The following FAS variants were observed in gnomAD, a reference collection of about 807,000 sequenced individuals.
FAS encodes tumor necrosis factor receptor superfamily member 6.
Under a neutral mutation model 33.2 loss-of-function variants are expected in FAS, and 5 were observed. That is an observed-to-expected ratio of 0.15 (90% CI 0.08 to 0.32). The LOEUF (loss-of-function observed/expected upper bound fraction) is 0.32, where lower values mean the gene tolerates loss of function less well. FAS is among the 10% of genes least tolerant of loss of function. The probability of loss-of-function intolerance (pLI) is 1.00; values close to 1 mark genes in which losing one functional copy is unlikely to be tolerated. For synonymous variants in FAS, 131 were observed against 130.7 expected (o/e 1.00, Z -0.01); for missense variants, 339 against 386.0 (o/e 0.88, Z 1.02).
At chr10:89,005,125 C>T (rs1232218659) in intron 2 of FAS, among the ~76,000 whole-genome samples, 2 of 141,410 alleles carry the variant, frequency 1.4e-5, no homozygotes, top group East Asian at 2.3e-4. Flanking sequence ...ATCTCTAAAG[C>T]CATTCATAGA....
intron 1 of FAS, chr10:88,991,713 T>C (rs1847234013): frequency 1.3e-5 from 2 of 152,312 alleles, no homozygotes; most frequent in South Asian, 4.1e-4. Context: ...TGCACTCCCA[T>C]GGTGATTTCT....
At chr10:89,003,222 A>G in intron 2 of FAS, 28 bp downstream of exon 2, 1 of 1,613,700 alleles carries the variant, frequency 6.2e-7, no homozygotes, top group Admixed American at 1.7e-5. Context: ...TCCAGAGATT[A>G]CAGTGAAAGT....
At chr10:89,003,856 G>A (rs1031364650) in intron 2 of FAS, among the ~76,000 whole-genome samples, 3 of 152,074 alleles carry the variant, frequency 2.0e-5, no homozygotes, top group Admixed American at 2.0e-4. Flanking sequence ...ATAGCACATG[G>A]GTTCATGTGA....
At chr10:88,987,149 C>G (rs759724689), upstream of FAS, among the ~76,000 whole-genome samples, 5 of 152,130 alleles carry the variant, frequency 3.3e-5, no homozygotes, top group Non-Finnish European at 7.3e-5. Context: ...CTGACGCCCT[C>G]TAGTGACAGA....
At chr10:89,010,179 C>T (rs1365168778) in intron 4 of FAS, among the ~76,000 whole-genome samples, 1 of 152,184 alleles carries the variant, frequency 6.6e-6, no homozygotes, top group Non-Finnish European at 1.5e-5. Flanking sequence ...TTTGAAATTA[C>T]TTTTGACAGT....
At chr10:88,986,367 A>C (rs1487103038), upstream of FAS, among the ~76,000 whole-genome samples, 1 of 152,238 alleles carries the variant, frequency 6.6e-6, no homozygotes, top group Non-Finnish European at 1.5e-5. Context: ...TGGATTAAGA[A>C]GCCAGGGCCC....
chr10:88,975,980 C>A (rs1243601459), intron 2 of FAS, among the ~76,000 whole-genome samples: 1 of 152,190 alleles, frequency 6.6e-6, no homozygotes, highest in Non-Finnish European at 1.5e-5. Context: ...AATCTGATGT[C>A]TCTTTCAAGT....
At chr10:89,011,639 C>T (rs768330382) in intron 6 of FAS, among the ~76,000 whole-genome samples, 1 of 152,168 alleles carries the variant, frequency 6.6e-6, no homozygotes, top group Non-Finnish European at 1.5e-5. Context: ...TCTGGGCATC[C>T]ATAGCAAGTT....
chr10:89,010,710 A>C (rs370979596), intron 5 of FAS, 43 bp from the exon 6 acceptor site: 28 of 1,611,958 alleles, frequency 1.7e-5, no homozygotes, highest in Admixed American at 1.2e-4. Context: ...AATCTTAAAG[A>C]TTGCTTATTT....
intron 8 of FAS, among the ~76,000 whole-genome samples, chr10:89,013,624 C>T (rs1848640868): frequency 2.6e-5 from 4 of 152,120 alleles, no homozygotes; most frequent in Admixed American, 2.6e-4. Context: ...TCATAATCAG[C>T]TAGATGTATT....
At chr10:89,003,237 G>T (rs769713549) in intron 2 of FAS, 43 bp downstream of exon 2, 4 of 1,608,208 alleles carry the variant, frequency 2.5e-6, no homozygotes, top group Non-Finnish European at 3.4e-6. Flanking sequence ...GAAAGTCACA[G>T]TTAGGAGTAG....
At chr10:89,010,455 C>T in intron 4 of FAS, 84 bp from the exon 5 acceptor site, 3 of 1,057,086 alleles carry the variant, frequency 2.8e-6, no homozygotes, top group East Asian at 2.5e-5. Flanking sequence ...AATAAAATGG[C>T]CCCTAATTTA....
At position 89,016,478 on chromosome 10, in the gene FAS, A is replaced by C; in HGVS notation, c.*2028A>C. On this transcript the variant is annotated 3_prime_UTR_variant, in exon 9 of 9. Transcript: ENST00000652046. ...TTTGCAAGACAAGATTAAGTTAGAG[A>C]ACACCCTATTCCACTTTGGTGAACT... is the stretch of plus-strand genomic sequence containing the variant. The C allele has an allele frequency of 8.9e-6, 2 of 225,304 alleles. No homozygotes were observed. Among genetic ancestry groups the C allele is most frequent in the East Asian group, 1.3e-4 (2 of 15,550 alleles). 14.0% of individuals were successfully genotyped at this position (225,304 alleles called of 1,614,324 possible). A position where few individuals can be genotyped will look rare whatever the true frequency, so the allele number is the denominator to read the frequency against.
chr10:88,981,910 G>C (rs1846722370), upstream of FAS, among the ~76,000 whole-genome samples: 1 of 152,162 alleles, frequency 6.6e-6, no homozygotes, highest in South Asian at 2.1e-4. Flanking sequence ...AGCAAATCTT[G>C]ATACCTTTAC....
In FAS at chr10:88,965,563, A is replaced by G. The variant is rs1383343796; in HGVS notation, n.95-7619A>G. 1.3e-5 allele frequency among the ~76,000 whole-genome samples: 2 copies of G among 152,154 alleles called. 1 individual carries two copies. The highest frequency in any genetic ancestry group is 2.9e-5 in the Non-Finnish European group (2 of 68,004). ...GTGTACTTGCCTTAGGAGGTCAAAC[A>G]CATTAGGTATACCAACATATCGACC... On this transcript the variant is annotated intron_variant and non_coding_transcript_variant, in intron 1 of 3. Transcript: ENST00000688239.
At chr10:88,992,665 A>T (rs1378100419) in intron 1 of FAS, 2 of 152,248 alleles carry the variant, frequency 1.3e-5, no homozygotes, top group African/African-American at 4.8e-5. Flanking sequence ...CTTATTAAAT[A>T]AAATTTATAA....
At chr10:89,001,550 C>T (rs746935290) in intron 1 of FAS, among the ~76,000 whole-genome samples, 1 of 151,326 alleles carries the variant, frequency 6.6e-6, no homozygotes, top group African/African-American at 2.4e-5. Flanking sequence ...CTGACTATTC[C>T]TGAGAAAGTG....
In FAS at chr10:89,013,331, T is replaced by A. The variant is rs1214604414; in HGVS notation, c.652-12T>A. ...TATTTGTCTTTCTCTGCTTCCATTTTTTGCTTTCTAGGAAACAGTGGCAAT... is the reference window on the plus strand; with the variant it reads ...TATTTGTCTTTCTCTGCTTCCATTTATTGCTTTCTAGGAAACAGTGGCAAT... On this transcript the variant is annotated splice_polypyrimidine_tract_variant and intron_variant, in intron 7 of 8. Transcript: ENST00000652046. The A allele has an allele frequency of 6.2e-7, 1 of 1,610,254 alleles. No individual in the cohort carries two copies. Among genetic ancestry groups the A allele is most frequent in the Non-Finnish European group, 8.5e-7 (1 of 1,177,788 alleles).
At chr10:88,978,953 T>C (rs1221533883) in intron 2 of FAS, among the ~76,000 whole-genome samples, 5 of 151,774 alleles carry the variant, frequency 3.3e-5, no homozygotes, top group African/African-American at 9.7e-5. Flanking sequence ...TTACTGTTTC[T>C]GGCACTGCAT....
Sources: gnomAD v4.1 joint callset for allele counts (sites outside exome capture counted in the v4.1 genomes callset) on GRCh38, gnomAD v4.1.1 for gene constraint, MANE v1.5 for transcripts, NCBI Gene and HGNC (gene_info 2026-07-23, HGNC 2026-07-21) for gene names.